The following GRID2 variants were observed in gnomAD, a reference collection of about 807,000 sequenced individuals.
The protein encoded by GRID2 is glutamate ionotropic receptor delta type subunit 2, also known as glutamate receptor ionotropic, delta-2.
A neutral mutation model predicts 114.8 loss-of-function variants in GRID2; 33 were observed. The observed-to-expected ratio is 0.29, with a 90% confidence interval of 0.22 to 0.38. GRID2 has a LOEUF of 0.38. GRID2 is among the 10% of genes least tolerant of loss of function. GRID2 has a pLI of 1.00. For missense variants in GRID2, 1,184 were observed against 1,257.7 expected (o/e 0.94, Z 0.89); for synonymous variants, 505 against 449.9 (o/e 1.12, Z -1.55).
At chr4:92,608,397 C>T (rs1403806793) in intron 2 of GRID2, among the ~76,000 whole-genome samples, 1 of 151,804 alleles carries the variant, frequency 6.6e-6, no homozygotes, top group Non-Finnish European at 1.5e-5. Context: ...TTCAAAGATG[C>T]CGCTTCAAAG....
chr4:93,602,181 G>A (rs1739747792), intron 13 of GRID2, among the ~76,000 whole-genome samples: 1 of 152,186 alleles, frequency 6.6e-6, no homozygotes, highest in Admixed American at 6.5e-5. Context: ...AGAGAGGATT[G>A]TGTTATTATA....
intron 1 of GRID2, among the ~76,000 whole-genome samples, chr4:92,378,688 T>C (rs766150996): frequency 1.3e-5 from 2 of 152,050 alleles, no homozygotes; most frequent in African/African-American, 2.4e-5. Flanking sequence ...AGTTGAGAAA[T>C]GCTTGTTAAT....
At chr4:92,410,650 A>G (rs1731252816) in intron 1 of GRID2, among the ~76,000 whole-genome samples, 1 of 152,086 alleles carries the variant, frequency 6.6e-6, no homozygotes, top group African/African-American at 2.4e-5. Flanking sequence ...CACATTTTAG[A>G]TGTGTGATCT....
At chr4:92,784,957 A>T (rs191528122) in intron 2 of GRID2, among the ~76,000 whole-genome samples, 60 of 152,000 alleles carry the variant, frequency 3.9e-4, no homozygotes, top group African/African-American at 1.2e-3. Context: ...TAAGTACTGC[A>T]GTAGCACTAT....
At chr4:93,594,062 G>A (rs933437625) in intron 13 of GRID2, among the ~76,000 whole-genome samples, 2 of 152,328 alleles carry the variant, frequency 1.3e-5, no homozygotes, top group Middle Eastern at 6.8e-3. Flanking sequence ...GCTCGTCAAA[G>A]TCGTTCTCCG....
intron 8 of GRID2, among the ~76,000 whole-genome samples, chr4:93,389,878 T>A (rs2149321445): frequency 6.6e-6 from 1 of 151,852 alleles, no homozygotes; most frequent in South Asian, 2.1e-4. Flanking sequence ...AACCTCCATC[T>A]CCCAGGTTCA....
chr4:93,785,544 G>A (rs1158773183), intron 1 of GRID2, among the ~76,000 whole-genome samples: 2 of 152,148 alleles, frequency 1.3e-5, no homozygotes, highest in African/African-American at 4.8e-5. Context: ...CTGATAAAAG[G>A]AAAATATCAA....
intron 8 of GRID2, among the ~76,000 whole-genome samples, chr4:93,246,636 T>G (rs1748246772): frequency 6.6e-6 from 1 of 151,814 alleles, no homozygotes; most frequent in Non-Finnish European, 1.5e-5. Context: ...AGTAATAGTA[T>G]GTTGTGAACA....
At chr4:92,388,642 C>G (rs1165170854) in intron 1 of GRID2, among the ~76,000 whole-genome samples, 1 of 151,996 alleles carries the variant, frequency 6.6e-6, no homozygotes, top group Non-Finnish European at 1.5e-5. Flanking sequence ...GGTTATGGTA[C>G]TCCAGTAATG....
chr4:92,347,373 T>C lies in GRID2; in HGVS notation c.88+42629T>C, dbSNP rs1481013690. 2.6e-5 allele frequency among the ~76,000 whole-genome samples: 4 copies of C among 152,216 alleles called. No homozygotes were observed. In the East Asian group the frequency reaches 7.7e-4, roughly 29 times the overall value. On this transcript the variant is annotated intron_variant, in intron 1 of 15. Coordinates refer to ENST00000282020, the MANE Select transcript of GRID2 (RefSeq NM_001510.4). ...CATATTGTGGTATGGCAGTGGTGGC[T>C]TATTTGCTAGTGAGATAAACAATAT... is the stretch of plus-strand genomic sequence containing the variant.
At chr4:92,569,604 T>G (rs900249016) in intron 1 of GRID2, among the ~76,000 whole-genome samples, 2 of 152,054 alleles carry the variant, frequency 1.3e-5, no homozygotes, top group African/African-American at 4.8e-5. Context: ...GTAAAAACAG[T>G]CCTTCATTTT....
At chr4:93,666,417 G>C (rs577010537) in intron 14 of GRID2, among the ~76,000 whole-genome samples, 1 of 152,120 alleles carries the variant, frequency 6.6e-6, no homozygotes, top group Non-Finnish European at 1.5e-5. Context: ...TTTTCAGAGA[G>C]GTATTTAAGC....
At chr4:93,681,225 C>T (rs372539821) in intron 14 of GRID2, among the ~76,000 whole-genome samples, 4,033 of 151,214 alleles carry the variant, frequency 0.027, 111 homozygotes, top group Non-Finnish European at 0.039. Context: ...TTACAAGGGA[C>T]GTGAAGGACC....
intron 2 of GRID2, among the ~76,000 whole-genome samples, chr4:92,917,639 T>C (rs1748922866): frequency 6.6e-6 from 1 of 152,220 alleles, no homozygotes; most frequent in East Asian, 1.9e-4. Flanking sequence ...TTCTTGTTTT[T>C]GTCAAAGATC....
intron 11 of GRID2, among the ~76,000 whole-genome samples, chr4:93,484,372 T>A (rs1726171039): frequency 6.6e-6 from 1 of 151,882 alleles, no homozygotes; most frequent in South Asian, 2.1e-4. Context: ...TACCCAACAT[T>A]AGGTTCATAA....
Position 93,123,188 on chromosome 4 carries a change from C to T in GRID2, c.735+12235C>T, listed in dbSNP as rs1037976595. On this transcript the variant is annotated intron_variant, in intron 4 of 15. Transcript: ENST00000282020. ...GTGGACAGTTTGCTACTAACTTCTC[C>T]TAACAGCCTATAGTCTATTTAATAA... is the stretch of plus-strand genomic sequence containing the variant. 6.3e-4 allele frequency among the ~76,000 whole-genome samples: 96 copies of T among 152,148 alleles called. 1 individual carries two copies. The highest frequency in any genetic ancestry group is 2.1e-3 in the African/African-American group (89 of 41,518).
rs965818675 is a variant in GRID2, at chr4:93,037,676, A to T, written c.245-47319A>T. On this transcript the variant is annotated intron_variant, in intron 2 of 15. Coordinates refer to ENST00000282020, the MANE Select transcript of GRID2 (RefSeq NM_001510.4). ...TGCATATGGCTAGCCAGTTTTACCA[A>T]CATCATTTATTAAATAGGGAATCCT... Among the ~76,000 whole-genome samples, 17 of 152,164 alleles carry T rather than the reference A, an allele frequency of 1.1e-4. 1 individual carries two copies. In the South Asian group the frequency reaches 1.9e-3, roughly 17 times the overall value.
chr4:92,896,326 G>GAAAAAAT (rs1177872107), intron 2 of GRID2, among the ~76,000 whole-genome samples: 3 of 152,100 alleles, frequency 2.0e-5, no homozygotes, highest in Non-Finnish European at 1.5e-5. Context: ...AAACACAGAA[G>GAAAAAAT]AAAAAATTTC....
intron 14 of GRID2, among the ~76,000 whole-genome samples, chr4:93,717,123 T>G (rs1728968000): frequency 6.6e-6 from 1 of 152,166 alleles, no homozygotes; most frequent in African/African-American, 2.4e-5. Context: ...ATCACTTCCT[T>G]TGAAAAGTCT....
Sources: allele counts gnomAD v4.1 joint callset (sites outside exome capture counted in the v4.1 genomes callset), GRCh38; gene constraint gnomAD v4.1.1; transcripts MANE v1.5; gene names NCBI Gene and HGNC (gene_info 2026-07-23, HGNC 2026-07-21).